The following SPECC1 variants were observed in gnomAD, a reference collection of about 807,000 sequenced individuals.
SPECC1 encodes cytospin-B.
Under a neutral mutation model 104.1 loss-of-function variants are expected in SPECC1, and 62 were observed. The observed-to-expected ratio is 0.60, with a 90% CI of 0.49 to 0.74. SPECC1 has a LOEUF of 0.74. Among genes scored for constraint, SPECC1 ranks in the 30% least tolerant of loss-of-function variants. SPECC1 has a pLI of 0.00. For synonymous variants in SPECC1, 513 were observed against 501.6 expected (o/e 1.02, Z -0.30); for missense variants, 1,306 against 1,310.5 (o/e 1.00, Z 0.05).
chr17:20,065,763 A>G (rs1173242970), intron 1 of SPECC1, among the ~76,000 whole-genome samples: 1 of 152,136 alleles, frequency 6.6e-6, no homozygotes, highest in Non-Finnish European at 1.5e-5. Flanking sequence ...CCTTTAGGGT[A>G]TAGTTAGGAC....
intron 4 of SPECC1, among the ~76,000 whole-genome samples, chr17:20,220,314 C>G (rs1458925539): frequency 6.6e-6 from 1 of 151,978 alleles, no homozygotes; most frequent in Non-Finnish European, 1.5e-5. Flanking sequence ...CATAGAGTGT[C>G]TTTATTTTTG....
At chr17:20,158,546 C>T (rs149493949) in intron 3 of SPECC1, among the ~76,000 whole-genome samples, 4 of 152,306 alleles carry the variant, frequency 2.6e-5, no homozygotes, top group African/African-American at 9.6e-5. Flanking sequence ...TGGGGGAGCT[C>T]CCTAGCAAAG....
At chr17:20,046,761 A>G (rs1375508384) in intron 1 of SPECC1, among the ~76,000 whole-genome samples, 7 of 151,842 alleles carry the variant, frequency 4.6e-5, no homozygotes, top group African/African-American at 1.7e-4. Flanking sequence ...AGGCGGCCAG[A>G]GCCAAGACTC....
chr17:20,247,418 G>T (rs980562493), intron 9 of SPECC1, 99 bp downstream of exon 9: 11 of 733,826 alleles, frequency 1.5e-5, no homozygotes, highest in Admixed American at 2.6e-5. Context: ...GTATGTGTGT[G>T]TGTAGAGTAT....
chr17:20,312,920 C>A (rs2041970397), intron 14 of SPECC1, among the ~76,000 whole-genome samples: 1 of 152,146 alleles, frequency 6.6e-6, no homozygotes, highest in African/African-American at 2.4e-5. Context: ...CTCTGTTAAC[C>A]CCCAGGAACT....
rs1472411548 is a variant in SPECC1 at position 20,204,950 on chromosome 17, A to T, written c.901A>T (p.Lys301Ter). 3.1e-6 allele frequency: 5 copies of T among 1,594,804 alleles called. No individual in the cohort carries two copies. Among genetic ancestry groups the T allele is most frequent in the African/African-American group, 1.3e-5 (1 of 74,204 alleles). The change falls in exon 4 of 15, where the codon AAA becomes TAA. Residue 301 changes from lysine to a stop codon, truncating the protein, a stop_gained. Transcript: ENST00000395527. LOFTEE classifies it high-confidence loss of function. ...GATGTCCAGTGACATTGATGAGTAT[A>T]AAAAAAACATACATGGAAATGCATT... is the stretch of plus-strand genomic sequence containing the variant. The part of the protein sequence containing the change: ...NQMSSDIDEY[K>*]KNIHGNALRT...
At chr17:20,191,096 AG>A (rs1421979248) in intron 3 of SPECC1, among the ~76,000 whole-genome samples, 1 of 152,128 alleles carries the variant, frequency 6.6e-6, no homozygotes, top group African/African-American at 2.4e-5. Flanking sequence ...TTTCATTTTA[AG>A]GGGTGGATGA....
chr17:20,237,967 C>T lies in SPECC1; in HGVS notation c.2351+5562C>T, dbSNP rs529610820. 2.4e-3 allele frequency: 2,208 copies of T among 916,500 alleles called. 4 individuals carry two copies. Among genetic ancestry groups the T allele is most frequent in the South Asian group, 4.0e-3 (79 of 19,520 alleles). 56.8% of individuals were successfully genotyped at this position (916,500 alleles called of 1,614,324 possible). A position where few individuals can be genotyped will look rare whatever the true frequency, so the allele number is the denominator to read the frequency against. On this transcript the variant is annotated intron_variant, in intron 7 of 14. Transcript: ENST00000395527. ...ATGTTGGTCAGGCTGGTCTCGAACT[C>T]CTGACCTCAAGTGATCTGGCCGCCT...
At chr17:20,104,194 C>T (rs1320825764) in intron 2 of SPECC1, among the ~76,000 whole-genome samples, 17 of 152,182 alleles carry the variant, frequency 1.1e-4, no homozygotes, top group Non-Finnish European at 2.9e-5. Flanking sequence ...GGTGAAAAAG[C>T]AGCCACTATG....
intron 1 of SPECC1, among the ~76,000 whole-genome samples, chr17:20,077,212 A>C (rs1350484168): frequency 6.6e-6 from 1 of 152,120 alleles, no homozygotes; most frequent in Non-Finnish European, 1.5e-5. Context: ...TAAGGCATTT[A>C]TGTTCTTCTA....
At chr17:20,283,646 G>A (rs919512934) in intron 12 of SPECC1, among the ~76,000 whole-genome samples, 1 of 152,066 alleles carries the variant, frequency 6.6e-6, no homozygotes. Context: ...GAGTGTAGTG[G>A]CACGATCTTG....
At chr17:20,197,832 G>C (rs1420935799) in intron 3 of SPECC1, among the ~76,000 whole-genome samples, 1 of 152,102 alleles carries the variant, frequency 6.6e-6, no homozygotes, top group Non-Finnish European at 1.5e-5. Flanking sequence ...CCCTTGACAC[G>C]GAAAAAGAAA....
chr17:20,279,503 G>T (rs1421836146), intron 12 of SPECC1, among the ~76,000 whole-genome samples: 1 of 151,886 alleles, frequency 6.6e-6, no homozygotes, highest in Non-Finnish European at 1.5e-5. Context: ...TGTATTTTTA[G>T]TAGAGAAAGG....
intron 4 of SPECC1, among the ~76,000 whole-genome samples, chr17:20,212,067 G>A (rs2037189042): frequency 1.3e-5 from 2 of 152,128 alleles, no homozygotes; most frequent in Admixed American, 6.5e-5. Flanking sequence ...AGTTCCTAAA[G>A]GTGAAATACA....
chr17:20,118,903 T>A (rs1480712375), intron 3 of SPECC1, among the ~76,000 whole-genome samples: 1 of 152,212 alleles, frequency 6.6e-6, no homozygotes, highest in Non-Finnish European at 1.5e-5. Flanking sequence ...GATTTTTTTT[T>A]ATTGTTTGCT....
At chr17:20,106,645 G>GCT in intron 2 of SPECC1, among the ~76,000 whole-genome samples, 3 of 152,276 alleles carry the variant, frequency 2.0e-5, no homozygotes, top group Middle Eastern at 6.8e-3. Context: ...CCCTGCACAT[G>GCT]CTCTCTCTTG....
intron 3 of SPECC1, among the ~76,000 whole-genome samples, chr17:20,148,529 G>T: frequency 7.7e-6 from 1 of 129,698 alleles, no homozygotes; most frequent in African/African-American, 3.0e-5. Flanking sequence ...GCAAAAAGCA[G>T]TACATGTGCA....
At chr17:20,205,990 C>G in intron 4 of SPECC1, 78 bp downstream of exon 4, 7 of 1,503,150 alleles carry the variant, frequency 4.7e-6, no homozygotes, top group Non-Finnish European at 6.2e-6. Flanking sequence ...ATTCACAGAG[C>G]ACAGAGAAGC....
At position 20,231,772 on chromosome 17, in the gene SPECC1, C is replaced by T; in HGVS notation, c.2086C>T (p.Leu696=). The change falls in exon 6 of 15, where the codon CTG becomes TTG. Residue 696 remains leucine (L), a synonymous_variant. Transcript: ENST00000395527. ...ISELESSVIK[L]EEQKSDLERQ... ...TTTATTTCTAGGTAGTGTGATCAAGCTGGAGGAACAGAAGTCAGACCTGGA... is the reference window on the plus strand; with the variant it reads ...TTTATTTCTAGGTAGTGTGATCAAGTTGGAGGAACAGAAGTCAGACCTGGA... 6.2e-7 allele frequency: 1 copy of T among 1,613,992 alleles called. No homozygotes were observed. Among genetic ancestry groups the T allele is most frequent in the South Asian group, 1.1e-5 (1 of 91,072 alleles).
Sources: gnomAD v4.1 joint callset for allele counts (sites outside exome capture counted in the v4.1 genomes callset) on GRCh38, gnomAD v4.1.1 for gene constraint, MANE v1.5 for transcripts, NCBI Gene and HGNC (gene_info 2026-07-23, HGNC 2026-07-21) for gene names.